ZDHHC15: variants seen among roughly 807,000 people sequenced by gnomAD.
ZDHHC15 encodes the protein zDHHC palmitoyltransferase 15.
ZDHHC15 carries 19 observed loss-of-function variants against 31.7 expected under a neutral mutation model. That is an observed-to-expected ratio of 0.60 (90% CI 0.42 to 0.88). ZDHHC15 has a LOEUF of 0.88. Ranked by LOEUF, ZDHHC15 falls within the 40% of genes least tolerant of loss-of-function variation. The pLI is 0.00. For missense variants in ZDHHC15, 209 were observed against 251.2 expected (o/e 0.83, Z 1.14); for synonymous variants, 103 against 90.0 (o/e 1.14, Z -0.82).
At chrX:75,452,755 T>A (rs1440024537) in intron 3 of ZDHHC15, among the ~76,000 whole-genome samples, 1 of 111,739 alleles carries the variant, frequency 8.9e-6, no homozygotes, top group Admixed American at 9.6e-5. Flanking sequence ...CACAACTACA[T>A]GGAAACTGAA....
At chrX:75,416,032 C>T (rs2083544507) in intron 10 of ZDHHC15, among the ~76,000 whole-genome samples, 1 of 112,264 alleles carries the variant, frequency 8.9e-6, no homozygotes, top group South Asian at 3.7e-4. Context: ...TGAAGGAAGA[C>T]AGGTCAAAAT....
chrX:75,488,126 T>C (rs2084808020), intron 2 of ZDHHC15, among the ~76,000 whole-genome samples: 1 of 112,082 alleles, frequency 8.9e-6, no homozygotes, highest in Non-Finnish European at 1.9e-5. Flanking sequence ...AAAACTTCCC[T>C]GGTCTTGCTA....
At chrX:75,489,600 T>A (rs1410346836) in intron 2 of ZDHHC15, among the ~76,000 whole-genome samples, 1 of 111,199 alleles carries the variant, frequency 9.0e-6, no homozygotes, top group Non-Finnish European at 1.9e-5. Flanking sequence ...TACATCACCA[T>A]CATCAAAGAC....
intron 2 of ZDHHC15, among the ~76,000 whole-genome samples, chrX:75,496,132 C>T (rs1055513528): frequency 9.1e-6 from 1 of 110,318 alleles, no homozygotes; most frequent in Non-Finnish European, 1.9e-5. Context: ...TATGGACTCA[C>T]ATAAACTTAA....
At chrX:75,471,393 T>A (rs1263661124) in intron 3 of ZDHHC15, among the ~76,000 whole-genome samples, 2 of 112,049 alleles carry the variant, frequency 1.8e-5, no homozygotes, top group Admixed American at 1.9e-4. Flanking sequence ...AAGTAGCAAA[T>A]ACACTGGACT....
chrX:75,369,364 T>C lies in ZDHHC15; in HGVS notation c.*3614A>G, dbSNP rs1174035173. The stretch of plus-strand genomic sequence containing the variant: ...GTGTGTGTACATGTGCATACATGTA[T>C]GTAGATATGTGTGATGAGAGGTGAA... On this transcript the variant is annotated 3_prime_UTR_variant, in exon 12 of 12. Transcript: ENST00000373367. 9.0e-6 allele frequency: 1 copy of C among 110,997 alleles called. No individual in the cohort carries two copies. Among genetic ancestry groups the C allele is most frequent in the Non-Finnish European group, 1.9e-5 (1 of 52,956 alleles). 9.1% of individuals were successfully genotyped at this position (110,997 alleles called of 1,213,427 possible).
intron 2 of ZDHHC15, among the ~76,000 whole-genome samples, chrX:75,497,882 G>A (rs980866017): frequency 3.7e-4 from 40 of 108,189 alleles, no homozygotes; most frequent in Non-Finnish European, 6.3e-4. Context: ...ACTGAATGGG[G>A]AAAAGCTGAA....
chrX:75,438,806 C>G (rs1035911693), intron 4 of ZDHHC15, among the ~76,000 whole-genome samples: 1 of 111,820 alleles, frequency 8.9e-6, no homozygotes, highest in Non-Finnish European at 1.9e-5. Context: ...GGTTTTGTTT[C>G]AAGATATTGA....
intron 2 of ZDHHC15, among the ~76,000 whole-genome samples, chrX:75,480,967 TC>T (rs1419102216): frequency 9.0e-6 from 1 of 111,575 alleles, no homozygotes; most frequent in Non-Finnish European, 1.9e-5. Context: ...TGAGAGCGCC[TC>T]TTCCATTGCC....
chrX:75,480,079 A>G (rs2084665674), intron 2 of ZDHHC15, among the ~76,000 whole-genome samples: 1 of 111,057 alleles, frequency 9.0e-6, no homozygotes, highest in Admixed American at 9.6e-5. Context: ...TCCGTCAGAA[A>G]GACTCAAGGG....
chrX:75,438,607 A>G (rs191216115), intron 4 of ZDHHC15, among the ~76,000 whole-genome samples: 1 of 111,611 alleles, frequency 9.0e-6, no homozygotes, highest in East Asian at 2.8e-4. Context: ...ACTTTTATTC[A>G]TTCTGCCATT....
At chrX:75,505,978 A>G (rs757451012) in intron 1 of ZDHHC15, 131 bp from the exon 2 acceptor site, 31 of 547,820 alleles carry the variant, frequency 5.7e-5, no homozygotes, top group Admixed American at 1.3e-4. Flanking sequence ...AGTAATTTAT[A>G]TAATAGTACT....
At position 75,371,947 on chromosome X, in the gene ZDHHC15, T is replaced by C. The variant is rs1346705564; in HGVS notation, c.*1031A>G. 1 of 111,994 alleles carries C rather than the reference T, an allele frequency of 8.9e-6. No homozygotes were observed. Among genetic ancestry groups the C allele is most frequent in the Non-Finnish European group, 1.9e-5 (1 of 53,205 alleles). The allele number at this position is 111,994 out of a possible 1,213,427, so 9.2% of individuals were successfully genotyped here. On this transcript the variant is annotated 3_prime_UTR_variant, in exon 12 of 12. Coordinates refer to ENST00000373367, the MANE Select transcript of ZDHHC15 (RefSeq NM_144969.3). ...TATTTGGTTATCACTGTCTGTACAA[T>C]AGCCCCTGCTATGAAAACACAGCTC... is the stretch of plus-strand genomic sequence containing the variant.
chrX:75,417,047 T>C, intron 10 of ZDHHC15, 40 bp downstream of exon 10: 3 of 1,033,157 alleles, frequency 2.9e-6, no homozygotes, highest in Middle Eastern at 2.6e-4. Context: ...ATTACATTGG[T>C]TGTATTAATG....
intron 2 of ZDHHC15, among the ~76,000 whole-genome samples, chrX:75,487,520 A>T (rs1246867406): frequency 8.9e-6 from 1 of 112,152 alleles, no homozygotes; most frequent in Non-Finnish European, 1.9e-5. Flanking sequence ...GGGACCAAAG[A>T]ATCTGAAGAT....
At chrX:75,490,760 A>T (rs1396763118) in intron 2 of ZDHHC15, among the ~76,000 whole-genome samples, 1 of 111,526 alleles carries the variant, frequency 9.0e-6, no homozygotes, top group African/African-American at 3.3e-5. Flanking sequence ...GCAATTGTGA[A>T]TGGGAGCTCA....
chrX:75,436,536 T>A (rs1048366733), intron 4 of ZDHHC15, among the ~76,000 whole-genome samples: 1 of 112,045 alleles, frequency 8.9e-6, no homozygotes, highest in African/African-American at 3.2e-5. Flanking sequence ...GTTGTGTTAC[T>A]ATTATCATTC....
intron 2 of ZDHHC15, among the ~76,000 whole-genome samples, chrX:75,488,971 G>A (rs1193459712): frequency 9.0e-6 from 1 of 111,702 alleles, no homozygotes; most frequent in Non-Finnish European, 1.9e-5. Context: ...TGGTTCGGAG[G>A]ATCCTACACC....
intron 3 of ZDHHC15, among the ~76,000 whole-genome samples, chrX:75,463,260 T>A (rs1001913169): frequency 9.0e-6 from 1 of 111,225 alleles, no homozygotes; most frequent in African/African-American, 3.3e-5. Flanking sequence ...GAGGCAGTAA[T>A]AAACAGCCTA....
Sources: allele counts gnomAD v4.1 joint callset (sites outside exome capture counted in the v4.1 genomes callset), GRCh38; gene constraint gnomAD v4.1.1; transcripts MANE v1.5; gene names NCBI Gene and HGNC (gene_info 2026-07-23, HGNC 2026-07-21).